The following POLR2J3 variants were observed in gnomAD, a reference collection of about 807,000 sequenced individuals.
POLR2J3 encodes RNA polymerase II subunit J3, also known as DNA-directed RNA polymerase II subunit RPB11-b2.
For missense variants in POLR2J3, 5 were observed against 204.2 expected, an observed-to-expected ratio of 0.02 and a Z score of 5.95; for synonymous variants, 2 against 81.3, an observed-to-expected ratio of 0.02 and a Z score of 5.25.
At chr7:102,567,500 AT>A (rs1476266467) in intron 2 of POLR2J3, 2 of 135,800 alleles carry the variant, frequency 1.5e-5, no homozygotes, top group East Asian at 4.9e-4. Flanking sequence ...TAATTTTTGT[AT>A]TTTTAGTAGA....
At chr7:102,568,281 T>TCCC (rs1242340324) in intron 2 of POLR2J3, 97 bp from the exon 3 acceptor site, 1 of 199,680 alleles carries the variant, frequency 5.0e-6, no homozygotes, top group Non-Finnish European at 1.0e-5. Flanking sequence ...TAGCCAAAAA[T>TCCC]CCCCCCCAAC....
chr7:102,572,459 C>G lies in POLR2J3; in HGVS notation c.50+13G>C, dbSNP rs372726378. On this transcript the variant is annotated intron_variant, in intron 1 of 6. Transcript: ENST00000513506. ...CCCGCGCACCTCGGCCCTCCGCAGC[C>G]GGCGTCACTTACTTCTCGCCCTCGA... The G allele has an allele frequency of 6.2e-7, 1 of 1,611,730 alleles. No homozygotes were observed.
intron 1 of POLR2J3, chr7:102,572,261 T>A (rs1563700368): frequency 1.4e-6 from 2 of 1,459,700 alleles, no homozygotes; most frequent in Admixed American, 2.6e-5. Flanking sequence ...CGGGGCAACT[T>A]GCTCGCCTCC....
intron 2 of POLR2J3, chr7:102,567,677 G>GAGGCCTGGA: frequency 2.9e-5 from 1 of 33,976 alleles, no homozygotes; most frequent in East Asian, 6.4e-4. Flanking sequence ...CTGCCTCCCA[G>GAGGCCTGGA]AGGCCTGGAA....
chr7:102,571,093 T>TGA (rs1801224553), intron 1 of POLR2J3, among the ~76,000 whole-genome samples: 1 of 25,186 alleles, frequency 4.0e-5, no homozygotes, highest in African/African-American at 1.3e-4. Context: ...CTCACACAGG[T>TGA]GAGAGGTATC....
chr7:102,570,202 AG>A (rs202211479), intron 1 of POLR2J3, among the ~76,000 whole-genome samples: 16,548 of 86,588 alleles, frequency 0.19, 21 homozygotes, highest in Non-Finnish European at 0.29. Context: ...AGACTGAGGC[AG>A]GAGAATCACC....
intron 1 of POLR2J3, among the ~76,000 whole-genome samples, chr7:102,570,594 C>G (rs1300895297): frequency 6.6e-6 from 1 of 151,712 alleles, no homozygotes; most frequent in Non-Finnish European, 1.5e-5. Context: ...CTAAAGTGAT[C>G]CTCCCGCCTT....
At chr7:102,572,201 G>A in intron 1 of POLR2J3, 1 of 1,081,686 alleles carries the variant, frequency 9.2e-7, no homozygotes, top group Admixed American at 2.9e-5. Context: ...AAGGGCTATG[G>A]AGAACCAGAC....
At chr7:102,570,457 G>GTTTT (rs1801203318) in intron 1 of POLR2J3, among the ~76,000 whole-genome samples, 1 of 139,112 alleles carries the variant, frequency 7.2e-6, no homozygotes, top group Non-Finnish European at 1.6e-5. Context: ...TTTTTTTCCG[G>GTTTT]TAGAGATGGG....
In POLR2J3 at chr7:102,569,863, CTTCT is replaced by C; in HGVS notation, c.108_111del (p.Glu37ThrfsTer82). On this transcript the variant is annotated frameshift_variant, in exon 2 of 7. Coordinates refer to ENST00000513506, the Ensembl canonical transcript of POLR2J3. LOFTEE classifies it high-confidence loss of function. The stretch of plus-strand genomic sequence containing the variant: ...TTAATGATGTTTCCCAGTGTGTGGT[CTTCT>C]TTGTTGATGGTGAATAAACAGGCAT... 6.2e-7 allele frequency: 1 copy of C among 1,606,764 alleles called. No homozygotes were observed. The highest frequency in any genetic ancestry group is 1.1e-5 in the South Asian group (1 of 90,692).
intron 1 of POLR2J3, among the ~76,000 whole-genome samples, chr7:102,570,880 AT>A (rs1801218484): frequency 7.1e-6 from 1 of 140,936 alleles, no homozygotes; most frequent in Non-Finnish European, 1.6e-5. Flanking sequence ...CTTCCATTGG[AT>A]TTTCCAAGAC....
chr7:102,570,134 G>GAA (rs764044873), intron 1 of POLR2J3, among the ~76,000 whole-genome samples: 735 of 70,098 alleles, frequency 0.01, no homozygotes, highest in African/African-American at 0.031. Context: ...AAAATACAAA[G>GAA]AAAAAAAAAA....
chr7:102,570,111 CCT>C (rs1230658144), intron 1 of POLR2J3, among the ~76,000 whole-genome samples, 187 bp from the exon 2 acceptor site: 344 of 112,986 alleles, frequency 3.0e-3, no homozygotes, highest in African/African-American at 0.015. Flanking sequence ...ATGGCAAAAC[CCT>C]GTCTGTACTA....
chr7:102,570,036 AC>A, intron 1 of POLR2J3, 112 bp from the exon 2 acceptor site: 2 of 1,092,582 alleles, frequency 1.8e-6, no homozygotes, highest in Non-Finnish European at 2.8e-6. Context: ...TGTAATCCCA[AC>A]ACTTTGGGAG....
chr7:102,570,946 CTTG>C (rs1214898573), intron 1 of POLR2J3, among the ~76,000 whole-genome samples: 60 of 123,754 alleles, frequency 4.8e-4, no homozygotes, highest in Middle Eastern at 3.7e-3. Context: ...CCCCTGGGAA[CTTG>C]TTAAGAGTCT....
At chr7:102,568,862 A>G (rs1801137468) in intron 2 of POLR2J3, among the ~76,000 whole-genome samples, 1 of 152,086 alleles carries the variant, frequency 6.6e-6, no homozygotes, top group African/African-American at 2.4e-5. Context: ...GCCTGACCAC[A>G]CCAGGAGACT....
intron 1 of POLR2J3, chr7:102,572,225 A>C (rs1468026669): frequency 8.6e-7 from 1 of 1,156,838 alleles, no homozygotes; most frequent in African/African-American, 1.5e-5. Context: ...CTGGGTTCGA[A>C]TACAAGCGCC....
chr7:102,570,134 G>T (rs1302185202), intron 1 of POLR2J3, among the ~76,000 whole-genome samples: 1 of 70,508 alleles, frequency 1.4e-5, no homozygotes, highest in South Asian at 5.1e-4. Flanking sequence ...AAAATACAAA[G>T]AAAAAAAAAA....
intron 1 of POLR2J3, 130 bp downstream of exon 1, chr7:102,572,342 T>G (rs1801249034): frequency 1.9e-6 from 3 of 1,549,110 alleles, no homozygotes; most frequent in Admixed American, 2.0e-5. Context: ...TAAATTTGGC[T>G]GACACAGGCC....
Sources: allele counts gnomAD v4.1 joint callset (sites outside exome capture counted in the v4.1 genomes callset), GRCh38; gene constraint gnomAD v4.1.1; transcripts MANE v1.5; gene names NCBI Gene and HGNC (gene_info 2026-07-23, HGNC 2026-07-21).